MARS1: variants seen among roughly 807,000 people sequenced by gnomAD.
MARS1 encodes methionine--tRNA ligase, cytoplasmic.
MARS1 carries 80 observed loss-of-function variants against 119.5 expected under a neutral mutation model. The observed-to-expected ratio is 0.67, with a 90% CI of 0.56 to 0.81. The LOEUF (loss-of-function observed/expected upper bound fraction) is 0.81, where lower values mean the gene tolerates loss of function less well. Among genes scored for constraint, MARS1 ranks in the 30% least tolerant of loss-of-function variants. MARS1 has a pLI of 0.00. For synonymous variants in MARS1, 418 were observed against 433.4 expected (o/e 0.96, Z 0.44); for missense variants, 945 against 1,116.5 (o/e 0.85, Z 2.19).
At position 57,516,483 on chromosome 12, in the gene MARS1, G is replaced by C. The variant is rs1877841043; in HGVS notation, c.2605G>C (p.Val869Leu). 1 of 1,613,928 alleles carries C rather than the reference G, an allele frequency of 6.2e-7. No individual in the cohort carries two copies. The highest frequency in any genetic ancestry group is 8.5e-7 in the Non-Finnish European group (1 of 1,179,968). ...LKAQKADKNE[V>L]AAEVAKLLDL... The stretch of plus-strand genomic sequence containing the variant: ...AGCACAAAAGGCAGACAAGAACGAG[G>C]TTGCTGCGGAGGTGGCGAAACTCTT... Residue 869 changes from valine to leucine, a missense_variant, in exon 21 of 21, where the codon GTT becomes CTT. Val to Leu is a conservative substitution (Grantham distance 32, BLOSUM62 1). Transcript: ENST00000262027.
rs958891473 is a variant in MARS1, at chr12:57,488,297, A to G, written c.109+98A>G. ...CTTTGCCAAACCCCTAGCCCTCGCC[A>G]CACACCCCAATCGACCACTTCTCCT... On this transcript the variant is annotated intron_variant, in intron 1 of 20. Coordinates refer to ENST00000262027, the MANE Select transcript of MARS1 (RefSeq NM_004990.4). The G allele has an allele frequency of 2.0e-5, 23 of 1,138,554 alleles. 1 individual carries two copies. The highest frequency in any genetic ancestry group is 4.0e-5 in the Admixed American group (2 of 50,468). 70.5% of individuals were successfully genotyped at this position (1,138,554 alleles called of 1,614,324 possible).
intron 11 of MARS1, 110 bp from the exon 12 acceptor site, chr12:57,511,588 A>T (rs1877516986): frequency 1.7e-6 from 2 of 1,169,808 alleles, no homozygotes; most frequent in African/African-American, 3.1e-5. Context: ...GTCTCCAAAA[A>T]AAAAGTTATA....
At chr12:57,511,335 G>C (rs1402350639) in intron 11 of MARS1, among the ~76,000 whole-genome samples, 2 of 152,138 alleles carry the variant, frequency 1.3e-5, no homozygotes, top group Non-Finnish European at 2.9e-5. Flanking sequence ...TGTAGTCTCA[G>C]CGCTTTTGGA....
Position 57,516,239 on chromosome 12 carries a change from C to G in MARS1, c.2464-6C>G. On this transcript the variant is annotated splice_region_variant and splice_polypyrimidine_tract_variant and intron_variant, in intron 19 of 20. Coordinates refer to ENST00000262027, the MANE Select transcript of MARS1 (RefSeq NM_004990.4). Reference sequence around the variant, plus strand: ...GGTTGCTGGTGATAACTTTGTTGTTCTCCAGGCAAAAACGTCCCCGAAGCC... The same window carrying G: ...GGTTGCTGGTGATAACTTTGTTGTTGTCCAGGCAAAAACGTCCCCGAAGCC... 2 of 1,613,816 alleles carry G rather than the reference C, an allele frequency of 1.2e-6. No homozygotes were observed. Among genetic ancestry groups the G allele is most frequent in the Non-Finnish European group, 1.7e-6 (2 of 1,179,736 alleles).
intron 9 of MARS1, chr12:57,500,086 A>C (rs1449921681): frequency 1.1e-5 from 6 of 524,172 alleles, no homozygotes; most frequent in African/African-American, 1.9e-5. Flanking sequence ...TGTTCAACAA[A>C]AGTGAATTCT....
intron 11 of MARS1, among the ~76,000 whole-genome samples, chr12:57,509,536 A>G (rs974637737): frequency 6.6e-6 from 1 of 152,088 alleles, no homozygotes; most frequent in Non-Finnish European, 1.5e-5. Flanking sequence ...CCTCCTGAGT[A>G]GCTGGGATTA....
chr12:57,506,445 A>G (rs898718514), intron 11 of MARS1, among the ~76,000 whole-genome samples: 1 of 152,144 alleles, frequency 6.6e-6, no homozygotes, highest in African/African-American at 2.4e-5. Flanking sequence ...AAATAAATAC[A>G]TAAAATATAA....
At position 57,489,441 on chromosome 12, in the gene MARS1, C is replaced by A. The variant is rs777764895; in HGVS notation, c.297C>A (p.Ala99=). 6.2e-7 allele frequency: 1 copy of A among 1,614,014 alleles called. No individual in the cohort carries two copies. The highest frequency in any genetic ancestry group is 8.5e-7 in the Non-Finnish European group (1 of 1,180,030). The change falls in exon 4 of 21, where the codon GCC becomes GCA. Residue 99 remains alanine (A), a synonymous_variant. Coordinates refer to ENST00000262027, the MANE Select transcript of MARS1 (RefSeq NM_004990.4). ...CATTTTAGCCAGCTTTGTCTGCTGC[C>A]CTGTACTATTTAGTGGTCCAAGGCA... The part of the protein sequence containing the change: ...ATELQPALSA[A]LYYLVVQGKK...
Position 57,515,351 on chromosome 12 carries a change from C to A in MARS1, c.2391+15C>A, listed in dbSNP as rs1697525713. The A allele has an allele frequency of 6.2e-7, 1 of 1,608,972 alleles. No homozygotes were observed. The highest frequency in any genetic ancestry group is 8.5e-7 in the Non-Finnish European group (1 of 1,178,976). On this transcript the variant is annotated intron_variant, in intron 18 of 20. Transcript: ENST00000262027. ...AGATTGGCACAGTAGGTGGAAGAGC[C>A]AGCCTCTCTTAAAATTGATACTCTT...
intron 9 of MARS1, 52 bp from the exon 10 acceptor site, chr12:57,500,269 G>A: frequency 2.7e-6 from 4 of 1,491,306 alleles, no homozygotes; most frequent in Non-Finnish European, 3.7e-6. Flanking sequence ...GGAGGAAGGG[G>A]TCCACCACGT....
At chr12:57,512,997 G>A in intron 15 of MARS1, 33 bp downstream of exon 15, 1 of 1,576,672 alleles carries the variant, frequency 6.3e-7, no homozygotes, top group South Asian at 1.1e-5. Flanking sequence ...AGTTAGCAGT[G>A]AGCTGGGGTG....
Position 57,515,172 on chromosome 12 carries a change from G to A in MARS1, c.2227G>A (p.Gly743Ser). Residue 743 changes from glycine (G) to serine (S), a missense_variant, in exon 18 of 21, where the codon GGC becomes AGC. Coordinates refer to ENST00000262027, the MANE Select transcript of MARS1 (RefSeq NM_004990.4). ...CAGGCAACGGGCAGGAACAGTGACTGGCTTGGCAGTGAATATAGCTGCCTT... is the reference window on the plus strand; with the variant it reads ...CAGGCAACGGGCAGGAACAGTGACTAGCTTGGCAGTGAATATAGCTGCCTT... ...ADRQRAGTVT[G>S]LAVNIAALLS... is the part of the protein sequence containing the mutation. 6.2e-7 allele frequency: 1 copy of A among 1,614,170 alleles called. No homozygotes were observed. Among genetic ancestry groups the A allele is most frequent in the Non-Finnish European group, 8.5e-7 (1 of 1,180,020 alleles).
At chr12:57,488,532 C>T (rs2139995352) in intron 1 of MARS1, 1 of 1,528,982 alleles carries the variant, frequency 6.5e-7, no homozygotes, top group Non-Finnish European at 8.9e-7. Flanking sequence ...ACTAGCATGA[C>T]AGCCCCCAGG....
At chr12:57,501,883 T>C (rs1876934150) in intron 10 of MARS1, among the ~76,000 whole-genome samples, 1 of 150,372 alleles carries the variant, frequency 6.7e-6, no homozygotes, top group Non-Finnish European at 1.5e-5. Context: ...TAATCCCAGC[T>C]ACTTGGGAGG....
At chr12:57,502,377 G>A (rs181878346) in intron 10 of MARS1, among the ~76,000 whole-genome samples, 1 of 152,144 alleles carries the variant, frequency 6.6e-6, no homozygotes, top group African/African-American at 2.4e-5. Context: ...GAGGTCCTGA[G>A]GAATTATAAT....
intron 11 of MARS1, among the ~76,000 whole-genome samples, chr12:57,507,137 A>G (rs1877220878): frequency 1.3e-5 from 2 of 152,014 alleles, no homozygotes; most frequent in Non-Finnish European, 2.9e-5. Flanking sequence ...GAGTGGACAC[A>G]GCACATGTTT....
intron 7 of MARS1, among the ~76,000 whole-genome samples, chr12:57,493,319 ATATAT>A (rs564786711): frequency 0.018 from 1,878 of 103,512 alleles, 114 homozygotes; most frequent in African/African-American, 0.071. Flanking sequence ...ATATTATATA[ATATAT>A]TATATATAAT....
In MARS1 at chr12:57,498,443, A is replaced by T; in HGVS notation, c.911A>T (p.Asn304Ile). The T allele has an allele frequency of 6.2e-7, 1 of 1,614,010 alleles. No homozygotes were observed. The highest frequency in any genetic ancestry group is 8.5e-7 in the Non-Finnish European group (1 of 1,180,000). ...AGGTACTCTCGCCTCCGCCAGTGGA[A>T]CACCCTCTATCTGTGTGGGACAGAT... The part of the protein sequence containing the change: ...FARYSRLRQW[N>I]TLYLCGTDEY... Residue 304 changes from asparagine to isoleucine, a missense_variant, in exon 9 of 21, where the codon AAC (asparagine) becomes ATC (isoleucine). By Grantham distance (149) the Asn-to-Ile change is moderately radical. Coordinates refer to ENST00000262027, the MANE Select transcript of MARS1 (RefSeq NM_004990.4).
At chr12:57,497,838 G>A (rs1358067249) in intron 7 of MARS1, among the ~76,000 whole-genome samples, 1 of 152,096 alleles carries the variant, frequency 6.6e-6, no homozygotes, top group African/African-American at 2.4e-5. Flanking sequence ...AGAGCCTAGG[G>A]AGAGTTTGAG....
Sources: gnomAD v4.1 joint callset for allele counts (sites outside exome capture counted in the v4.1 genomes callset) on GRCh38, gnomAD v4.1.1 for gene constraint, MANE v1.5 for transcripts, NCBI Gene and HGNC (gene_info 2026-07-23, HGNC 2026-07-21) for gene names.